KIF26B: variants seen among roughly 807,000 people sequenced by gnomAD.
The protein encoded by KIF26B is kinesin family member 26B.
In KIF26B, 63 loss-of-function variants were observed where a neutral mutation model predicts 151.2. The observed-to-expected ratio is 0.42, with a 90% CI of 0.34 to 0.51. The LOEUF is 0.51. KIF26B is among the 20% of genes least tolerant of loss of function. The pLI is 0.07. For missense variants in KIF26B, 2,813 were observed against 2,913.6 expected (o/e 0.97, Z 0.79); for synonymous variants, 1,357 against 1,262.1 (o/e 1.08, Z -1.59).
chr1:245,565,043 G>A (rs1389390694), intron 5 of KIF26B, among the ~76,000 whole-genome samples: 4 of 152,150 alleles, frequency 2.6e-5, no homozygotes, highest in Admixed American at 6.5e-5. Context: ...AATTTGTTAC[G>A]TAGGGATCAC....
At chr1:245,579,662 C>A (rs139349737) in intron 5 of KIF26B, among the ~76,000 whole-genome samples, 1 of 33,712 alleles carries the variant, frequency 3.0e-5, no homozygotes, top group Non-Finnish European at 5.1e-5. Flanking sequence ...ATACAAAAAA[C>A]AAACAAACAA....
chr1:245,238,406 G>A (rs1254972208), intron 2 of KIF26B, among the ~76,000 whole-genome samples: 1 of 152,166 alleles, frequency 6.6e-6, no homozygotes, highest in Non-Finnish European at 1.5e-5. Context: ...GTGATATAGA[G>A]CAGTGCTTCT....
chr1:245,263,810 CAGTT>C (rs577354816), intron 2 of KIF26B, among the ~76,000 whole-genome samples: 22 of 152,338 alleles, frequency 1.4e-4, no homozygotes, highest in African/African-American at 4.8e-4. Flanking sequence ...AAGAGAAACA[CAGTT>C]AGTTAACAGA....
intron 5 of KIF26B, among the ~76,000 whole-genome samples, chr1:245,544,505 A>G (rs1032385349): frequency 3.9e-5 from 6 of 152,112 alleles, no homozygotes; most frequent in East Asian, 3.9e-4. Flanking sequence ...ATAGGAACAG[A>G]TTTCATGGGT....
chr1:245,628,972 C>T (rs1371263512), intron 9 of KIF26B, among the ~76,000 whole-genome samples: 1 of 152,104 alleles, frequency 6.6e-6, no homozygotes, highest in Non-Finnish European at 1.5e-5. Flanking sequence ...AACAGAGAGC[C>T]AAATCATGAA....
chr1:245,553,205 G>A (rs894298013), intron 5 of KIF26B, among the ~76,000 whole-genome samples: 1 of 152,242 alleles, frequency 6.6e-6, no homozygotes, highest in African/African-American at 2.4e-5. Context: ...ACTGGAGGAA[G>A]CTGGACCGGA....
At chr1:245,254,270 T>C (rs1670496748) in intron 2 of KIF26B, among the ~76,000 whole-genome samples, 2 of 152,156 alleles carry the variant, frequency 1.3e-5, no homozygotes, top group Non-Finnish European at 2.9e-5. Context: ...ATGGATAGGG[T>C]GGCATAAGTG....
At chr1:245,342,754 A>G (rs1299660881) in intron 2 of KIF26B, among the ~76,000 whole-genome samples, 1 of 152,086 alleles carries the variant, frequency 6.6e-6, no homozygotes, top group African/African-American at 2.4e-5. Context: ...GGAGACGTCA[A>G]CCTGACATAG....
intron 5 of KIF26B, among the ~76,000 whole-genome samples, chr1:245,546,841 T>C (rs981257487): frequency 2.0e-5 from 3 of 152,254 alleles, no homozygotes; most frequent in African/African-American, 7.2e-5. Context: ...TTCTGGGAAA[T>C]TAACTCATGT....
chr1:245,230,742 T>TAA (rs376607095), intron 2 of KIF26B, among the ~76,000 whole-genome samples: 6 of 130,152 alleles, frequency 4.6e-5, no homozygotes, highest in African/African-American at 1.1e-4. Context: ...AAACTTCATG[T>TAA]AAAAAAAAAA....
Position 245,698,983 on chromosome 1 carries a change from C to A in KIF26B, c.6124C>A (p.Leu2042Met), listed in dbSNP as rs1158912680. ...RAKYEWLMKE[L>M]EATKQYLMLD... ...GAAGTACGAGTGGCTGATGAAGGAG[C>A]TGGAGGCGACCAAACAGTATCTGAT... The change falls in exon 14 of 15, where the codon CTG becomes ATG. Residue 2042 changes from leucine (L) to methionine (M), a missense_variant. Around this residue, in one of 3 missense-constraint regions of KIF26B, gnomAD observed 2,060 missense variants for 2,088.6 expected, o/e 0.99. Transcript: ENST00000407071. This position sits in a 1 kb window ranked among gnomAD's most constrained non-coding sequence, Gnocchi z 4.0. 1 of 1,614,028 alleles carries A rather than the reference C, an allele frequency of 6.2e-7. No individual in the cohort carries two copies. The highest frequency in any genetic ancestry group is 8.5e-7 in the Non-Finnish European group (1 of 1,179,890).
At position 245,688,614 on chromosome 1, in the gene KIF26B, G is replaced by A. The variant is rs1338114915; in HGVS notation, c.5631G>A (p.Gly1877=). ...HGSDNSSVLS[G]ELPPAMGKTA... ...GCGACAACAGCAGCGTGCTGAGCGG[G>A]GAGCTCCCGCCGGCCATGGGGAAGA... Residue 1877 remains glycine (G), a synonymous_variant, in exon 12 of 15, where the codon GGG becomes GGA. Transcript: ENST00000407071. The A allele has an allele frequency of 6.3e-7, 1 of 1,592,012 alleles. No individual in the cohort carries two copies. The highest frequency in any genetic ancestry group is 1.3e-5 in the African/African-American group (1 of 74,618).
chr1:245,346,913 T>C (rs1023121616), intron 2 of KIF26B, among the ~76,000 whole-genome samples: 7 of 152,238 alleles, frequency 4.6e-5, no homozygotes, highest in Admixed American at 4.6e-4. Context: ...TCTCATTGTC[T>C]AGTTTGGAGT....
chr1:245,542,338 G>A (rs924874585), intron 5 of KIF26B, among the ~76,000 whole-genome samples: 9 of 152,264 alleles, frequency 5.9e-5, no homozygotes, highest in African/African-American at 1.9e-4. Context: ...GGGCCACAGA[G>A]TGTCTCTATT....
intron 10 of KIF26B, among the ~76,000 whole-genome samples, chr1:245,666,645 A>G (rs1197520796): frequency 6.6e-6 from 1 of 152,166 alleles, no homozygotes; most frequent in Non-Finnish European, 1.5e-5. Context: ...GCTAACACAT[A>G]GGCGGCTGCT....
chr1:245,427,060 A>C lies in KIF26B; in HGVS notation c.1166+7315A>C, dbSNP rs1187714776. ...CTTCTTTTGTTCTTCTGTCAGGTAC[A>C]GTTCCCTTTAGGGATGCTCCCTTCT... is the stretch of plus-strand genomic sequence containing the variant. On this transcript the variant is annotated intron_variant, in intron 4 of 14. Transcript: ENST00000407071. Among the ~76,000 whole-genome samples the C allele has an allele frequency of 2.6e-5, 4 of 152,220 alleles. No individual in the cohort carries two copies. In the East Asian group the frequency reaches 7.7e-4, roughly 29 times the overall value.
At position 245,253,237 on chromosome 1, in the gene KIF26B, G is replaced by A. The variant is rs112238466; in HGVS notation, c.465+96554G>A. Among the ~76,000 whole-genome samples the A allele has an allele frequency of 7.9e-3, 1,196 of 152,072 alleles. 21 individuals carry two copies. The highest frequency in any genetic ancestry group is 0.028 in the African/African-American group (1,142 of 41,488). Reference sequence around the variant, plus strand: ...TTGGTCGGGCTGGTCTCAAACTCCTGACCTCAGGTGATCTGCCCGCCTTGG... The same window carrying A: ...TTGGTCGGGCTGGTCTCAAACTCCTAACCTCAGGTGATCTGCCCGCCTTGG... On this transcript the variant is annotated intron_variant, in intron 2 of 14. Coordinates refer to ENST00000407071, the MANE Select transcript of KIF26B (RefSeq NM_018012.4).
intron 2 of KIF26B, among the ~76,000 whole-genome samples, chr1:245,355,450 G>A (rs538633162): frequency 1.7e-4 from 26 of 151,986 alleles, no homozygotes; most frequent in Non-Finnish European, 2.8e-4. Flanking sequence ...ACAAAAATGA[G>A]CCAGGCATGG....
At chr1:245,469,122 C>A (rs551343426) in intron 4 of KIF26B, among the ~76,000 whole-genome samples, 15 of 152,364 alleles carry the variant, frequency 9.8e-5, no homozygotes, top group African/African-American at 3.6e-4. Flanking sequence ...AAATGACCTC[C>A]CTTGTTCCCT....
Sources: allele counts gnomAD v4.1 joint callset (sites outside exome capture counted in the v4.1 genomes callset), GRCh38; gene constraint gnomAD v4.1.1; regional missense constraint gnomAD v4.1.1; non-coding constraint Gnocchi (gnomAD v3.1); transcripts MANE v1.5; gene names NCBI Gene and HGNC (gene_info 2026-07-23, HGNC 2026-07-21).